Variants in R3HCC1L observed in about 807,000 individuals in gnomAD.
R3HCC1L encodes the protein coiled-coil domain-containing protein R3HCC1L.
A neutral mutation model predicts 59.9 loss-of-function variants in R3HCC1L; 51 were observed. The observed-to-expected ratio is 0.85, with a 90% CI of 0.68 to 1.07. The LOEUF (loss-of-function observed/expected upper bound fraction) is 1.07, where lower values mean the gene tolerates loss of function less well. Ranked by LOEUF, R3HCC1L falls within the 50% of genes least tolerant of loss-of-function variation. The pLI is 0.00. For missense variants in R3HCC1L, 965 were observed against 933.0 expected (o/e 1.03, Z -0.45); for synonymous variants, 322 against 315.2 (o/e 1.02, Z -0.23).
At chr10:98,145,263 G>A (rs1488843514) in intron 1 of R3HCC1L, among the ~76,000 whole-genome samples, 2 of 152,130 alleles carry the variant, frequency 1.3e-5, no homozygotes, top group Admixed American at 1.3e-4. Flanking sequence ...GGAATAATGT[G>A]GAAACAGAAG....
intron 4 of R3HCC1L, among the ~76,000 whole-genome samples, chr10:98,179,787 C>T (rs1849444639): frequency 6.6e-6 from 1 of 151,992 alleles, no homozygotes; most frequent in Non-Finnish European, 1.5e-5. Context: ...CTGGTTTTGT[C>T]TTGGGAGGGT....
At chr10:98,136,731 G>A (rs1299368068) in intron 1 of R3HCC1L, among the ~76,000 whole-genome samples, 1 of 152,130 alleles carries the variant, frequency 6.6e-6, no homozygotes, top group Non-Finnish European at 1.5e-5. Flanking sequence ...CAGCTACTCG[G>A]GAGGCTGAGG....
chr10:98,145,671 G>T (rs751859916), intron 1 of R3HCC1L, among the ~76,000 whole-genome samples: 2 of 152,282 alleles, frequency 1.3e-5, no homozygotes, highest in Non-Finnish European at 2.9e-5. Flanking sequence ...AACCATTCTC[G>T]CTGGGCGCGG....
At chr10:98,211,454 G>A in intron 5 of R3HCC1L, 1 of 1,332,694 alleles carries the variant, frequency 7.5e-7, no homozygotes. Context: ...TCCAAATCAG[G>A]TTAAGAAATA....
chr10:98,242,492 A>G (rs1857641253), intron 9 of R3HCC1L, among the ~76,000 whole-genome samples: 1 of 152,226 alleles, frequency 6.6e-6, no homozygotes, highest in Non-Finnish European at 1.5e-5. Flanking sequence ...TGTAAAGACT[A>G]TAAATAGCTT....
chr10:98,191,731 A>T (rs902018879), intron 4 of R3HCC1L, among the ~76,000 whole-genome samples: 2 of 152,130 alleles, frequency 1.3e-5, no homozygotes, highest in African/African-American at 4.8e-5. Flanking sequence ...TTGCCCGTGC[A>T]TATGTCCTGA....
At chr10:98,179,377 G>A (rs1564653883) in intron 4 of R3HCC1L, among the ~76,000 whole-genome samples, 2 of 151,992 alleles carry the variant, frequency 1.3e-5, no homozygotes, top group South Asian at 4.2e-4. Context: ...ATTGATTTAT[G>A]TATGTTGAAC....
intron 4 of R3HCC1L, among the ~76,000 whole-genome samples, chr10:98,184,677 A>G (rs1850036060): frequency 6.6e-6 from 1 of 152,040 alleles, no homozygotes; most frequent in Non-Finnish European, 1.5e-5. Flanking sequence ...TTGATGGGAG[A>G]TGGGGAGGAC....
intron 4 of R3HCC1L, among the ~76,000 whole-genome samples, chr10:98,167,557 A>G (rs1364020810): frequency 6.6e-6 from 1 of 152,272 alleles, no homozygotes; most frequent in Non-Finnish European, 1.5e-5. Flanking sequence ...AAACATACAT[A>G]CAAAATAAAT....
rs749822199 is a variant in R3HCC1L at position 98,151,929 on chromosome 10, T to TC, written c.-267-4160dup. Among the ~76,000 whole-genome samples the TC allele has an allele frequency of 1.5e-3, 233 of 152,102 alleles. 1 individual carries two copies. Among genetic ancestry groups the TC allele is most frequent in the Non-Finnish European group, 2.8e-3 (188 of 67,988 alleles). ...CGCTCTCTCTCTCTCCCTCTCCCTC[T>TC]CCCCACGGTCTCCCTCTCCCTCTCT... On this transcript the variant is annotated intron_variant, in intron 1 of 9. Transcript: ENST00000298999.
intron 1 of R3HCC1L, among the ~76,000 whole-genome samples, chr10:98,140,626 T>C (rs1467169330): frequency 6.6e-6 from 1 of 152,146 alleles, no homozygotes; most frequent in Non-Finnish European, 1.5e-5. Context: ...GATGGAGAGC[T>C]TATTGGATTT....
intron 1 of R3HCC1L, among the ~76,000 whole-genome samples, chr10:98,145,982 T>TG (rs1311401836): frequency 6.6e-6 from 1 of 152,086 alleles, no homozygotes; most frequent in Admixed American, 6.6e-5. Flanking sequence ...CATGACTTGA[T>TG]GGTCATATCC....
intron 4 of R3HCC1L, among the ~76,000 whole-genome samples, chr10:98,169,396 A>G (rs1848287666): frequency 6.6e-6 from 1 of 152,250 alleles, no homozygotes; most frequent in African/African-American, 2.4e-5. Context: ...GGATAATCAT[A>G]GCTATCTCTT....
intron 1 of R3HCC1L, among the ~76,000 whole-genome samples, chr10:98,137,732 G>A (rs1417373340): frequency 1.3e-5 from 2 of 151,986 alleles, no homozygotes; most frequent in Admixed American, 6.5e-5. Context: ...TTTGTACCTA[G>A]TTTGTTGAAA....
At chr10:98,183,254 T>G (rs959400042) in intron 4 of R3HCC1L, among the ~76,000 whole-genome samples, 2 of 152,202 alleles carry the variant, frequency 1.3e-5, no homozygotes, top group African/African-American at 4.8e-5. Context: ...GCATTGACAG[T>G]TTTTTCTTTC....
chr10:98,231,828 C>T (rs1856438067), intron 6 of R3HCC1L, 141 bp downstream of exon 6: 1 of 928,976 alleles, frequency 1.1e-6, no homozygotes, highest in Non-Finnish European at 1.6e-6. Context: ...TTTCCAGGTC[C>T]AGTAGAAATT....
intron 5 of R3HCC1L, among the ~76,000 whole-genome samples, chr10:98,229,853 T>C (rs972696982): frequency 1.8e-4 from 28 of 152,260 alleles, no homozygotes; most frequent in African/African-American, 6.3e-4. Flanking sequence ...TAGTTTTTGT[T>C]GTTGGTTCTG....
At chr10:98,136,592 T>A (rs1844610076) in intron 1 of R3HCC1L, among the ~76,000 whole-genome samples, 1 of 152,052 alleles carries the variant, frequency 6.6e-6, no homozygotes. Context: ...TCCTAGCGCT[T>A]TGGGAGGCTG....
At chr10:98,163,627 C>G (rs149413969) in intron 4 of R3HCC1L, among the ~76,000 whole-genome samples, 1 of 152,160 alleles carries the variant, frequency 6.6e-6, no homozygotes, top group Non-Finnish European at 1.5e-5. Flanking sequence ...AGAACAGGGG[C>G]TGTTTAAATA....
Sources: allele counts gnomAD v4.1 joint callset (sites outside exome capture counted in the v4.1 genomes callset), GRCh38; gene constraint gnomAD v4.1.1; transcripts MANE v1.5; gene names NCBI Gene and HGNC (gene_info 2026-07-23, HGNC 2026-07-21).